ADAMTS18: variants seen among roughly 807,000 people sequenced by gnomAD.
ADAMTS18 encodes A disintegrin and metalloproteinase with thrombospondin motifs 18.
In ADAMTS18, 157 loss-of-function variants were observed where a neutral mutation model predicts 165.9. That is an observed-to-expected ratio of 0.95 (90% CI 0.83 to 1.08). ADAMTS18 has a LOEUF of 1.08. ADAMTS18 is among the 50% of genes least tolerant of loss of function. The pLI is 0.00. For missense variants in ADAMTS18, 2,040 were observed against 1,534.0 expected (o/e 1.33, Z -5.51); for synonymous variants, 782 against 578.2 (o/e 1.35, Z -5.06).
intron 12 of ADAMTS18, among the ~76,000 whole-genome samples, chr16:77,332,692 T>G (rs1331392784): frequency 6.6e-6 from 1 of 152,066 alleles, no homozygotes; most frequent in East Asian, 1.9e-4. Flanking sequence ...TTAGAGCATA[T>G]AAAAGTAACA....
chr16:77,367,558 C>T lies in ADAMTS18; in HGVS notation c.661G>A (p.Gly221Ser). Residue 221 changes from glycine to serine, a missense_variant, in exon 4 of 23, where the codon GGC becomes AGC. Transcript: ENST00000282849. ...IQRYRGYPGS[G>S]RNYPGYSPSH... The stretch of plus-strand genomic sequence containing the variant: ...GGGGAGTAACCAGGATAATTCCGGC[C>T]AGAGCCGGGGTAGCCACGGTACCGC... 1 of 1,614,196 alleles carries T rather than the reference C, an allele frequency of 6.2e-7. No homozygotes were observed. The highest frequency in any genetic ancestry group is 2.2e-5 in the East Asian group (1 of 44,876).
At chr16:77,337,319 A>G (rs1403948935) in intron 11 of ADAMTS18, among the ~76,000 whole-genome samples, 3 of 152,226 alleles carry the variant, frequency 2.0e-5, no homozygotes, top group Non-Finnish European at 4.4e-5. Context: ...ACAATAGCCA[A>G]TAACAGTAAC....
chr16:77,400,683 G>A (rs1159933488), intron 3 of ADAMTS18, among the ~76,000 whole-genome samples: 1 of 150,734 alleles, frequency 6.6e-6, no homozygotes, highest in African/African-American at 2.4e-5. Flanking sequence ...GGGTTTCACC[G>A]TGGTCTCGAT....
intron 12 of ADAMTS18, among the ~76,000 whole-genome samples, chr16:77,335,455 T>G (rs1432568475): frequency 6.6e-6 from 1 of 151,876 alleles, no homozygotes; most frequent in East Asian, 1.9e-4. Context: ...AACAATTCAT[T>G]GTATATCTTA....
Position 77,341,692 on chromosome 16 carries a change from T to C in ADAMTS18, c.1710+12A>G, listed in dbSNP as rs1286569809. The stretch of plus-strand genomic sequence containing the variant: ...ATTTCTGGAGCTAAAAACTAACAAG[T>C]ATGCAGTTTACCATACTCAAGCCAC... On this transcript the variant is annotated intron_variant, in intron 11 of 22. Transcript: ENST00000282849. The C allele has an allele frequency of 1.2e-6, 2 of 1,609,804 alleles. No individual in the cohort carries two copies. Among genetic ancestry groups the C allele is most frequent in the Non-Finnish European group, 1.7e-6 (2 of 1,177,030 alleles).
intron 8 of ADAMTS18, among the ~76,000 whole-genome samples, chr16:77,358,342 G>C (rs574705409): frequency 7.7e-4 from 118 of 152,258 alleles, no homozygotes; most frequent in African/African-American, 2.7e-3. Context: ...TTGGGAAACC[G>C]AGGTCGGCAG....
At chr16:77,308,872 C>A (rs980465736) in intron 16 of ADAMTS18, among the ~76,000 whole-genome samples, 1 of 152,200 alleles carries the variant, frequency 6.6e-6, no homozygotes, top group African/African-American at 2.4e-5. Context: ...TCTTACAACA[C>A]ACACACACTT....
chr16:77,414,044 T>A (rs1348995358), intron 3 of ADAMTS18, among the ~76,000 whole-genome samples: 1 of 152,216 alleles, frequency 6.6e-6, no homozygotes, highest in Non-Finnish European at 1.5e-5. Context: ...AGAAACTATA[T>A]GACCCATATA....
chr16:77,315,696 T>C (rs1032157965), intron 16 of ADAMTS18, among the ~76,000 whole-genome samples: 8 of 152,188 alleles, frequency 5.3e-5, no homozygotes, highest in Non-Finnish European at 7.3e-5. Flanking sequence ...ATTCTGGATA[T>C]TGCAATTATT....
At chr16:77,428,541 T>C (rs2057701287) in intron 3 of ADAMTS18, among the ~76,000 whole-genome samples, 1 of 152,112 alleles carries the variant, frequency 6.6e-6, no homozygotes, top group Admixed American at 6.5e-5. Flanking sequence ...TTCAGGAGGA[T>C]TTGGAGCAAC....
chr16:77,334,376 GTA>G (rs1176713259), intron 12 of ADAMTS18, among the ~76,000 whole-genome samples: 2 of 103,960 alleles, frequency 1.9e-5, no homozygotes, highest in South Asian at 5.6e-4. Context: ...ATTATATATA[GTA>G]TATATATTAT....
intron 3 of ADAMTS18, among the ~76,000 whole-genome samples, chr16:77,386,170 A>G (rs1310255042): frequency 6.6e-6 from 1 of 152,194 alleles, no homozygotes; most frequent in Non-Finnish European, 1.5e-5. Context: ...CTCCCTGGAC[A>G]GCCTCGTGTA....
intron 13 of ADAMTS18, among the ~76,000 whole-genome samples, chr16:77,323,491 T>C (rs2056040168): frequency 6.6e-6 from 1 of 151,976 alleles, no homozygotes; most frequent in African/African-American, 2.4e-5. Flanking sequence ...GATTAGGGAG[T>C]TGGATGACAT....
intron 3 of ADAMTS18, among the ~76,000 whole-genome samples, chr16:77,413,732 G>A (rs1422931000): frequency 6.8e-6 from 1 of 147,864 alleles, no homozygotes; most frequent in African/African-American, 2.5e-5. Flanking sequence ...ATTTAGTATA[G>A]CTATTTAGTA....
chr16:77,423,223 T>G (rs1009954895), intron 3 of ADAMTS18, among the ~76,000 whole-genome samples: 8 of 152,214 alleles, frequency 5.3e-5, no homozygotes, highest in African/African-American at 9.6e-5. Flanking sequence ...TTTAGCTGAA[T>G]CTCTTCTCAA....
intron 3 of ADAMTS18, among the ~76,000 whole-genome samples, chr16:77,372,586 C>CATA (rs528465042): frequency 3.9e-4 from 59 of 152,262 alleles, no homozygotes; most frequent in Admixed American, 3.5e-3. Context: ...CAGGCATTGC[C>CATA]ATAAACAAGA....
intron 3 of ADAMTS18, among the ~76,000 whole-genome samples, chr16:77,410,816 G>T (rs1415504285): frequency 2.0e-5 from 3 of 152,110 alleles, no homozygotes; most frequent in African/African-American, 7.2e-5. Flanking sequence ...AGGTAGCTGG[G>T]AACCCCTTCT....
At chr16:77,376,809 CTTTTTTTT>C (rs549942617) in intron 3 of ADAMTS18, among the ~76,000 whole-genome samples, 1 of 103,478 alleles carries the variant, frequency 9.7e-6, no homozygotes, top group Non-Finnish European at 1.9e-5. Context: ...CTAAATCATT[CTTTTTTTT>C]TTTTTTTTTT....
chr16:77,344,132 T>C (rs1028186938), intron 10 of ADAMTS18, among the ~76,000 whole-genome samples: 18 of 143,488 alleles, frequency 1.3e-4, no homozygotes, highest in Non-Finnish European at 2.4e-4. Context: ...TATGTATACA[T>C]ACATATATAT....
Sources: gnomAD v4.1 joint callset for allele counts (sites outside exome capture counted in the v4.1 genomes callset) on GRCh38, gnomAD v4.1.1 for gene constraint, MANE v1.5 for transcripts, NCBI Gene and HGNC (gene_info 2026-07-23, HGNC 2026-07-21) for gene names.